CALD1: variants seen among roughly 807,000 people sequenced by gnomAD.
The protein encoded by CALD1 is caldesmon.
A neutral mutation model predicts 99.9 loss-of-function variants in CALD1; 33 were observed. That is an observed-to-expected ratio of 0.33 (90% CI 0.25 to 0.44). CALD1 has a LOEUF of 0.44. CALD1 is among the 20% of genes least tolerant of loss of function. The pLI is 1.00. For synonymous variants in CALD1, 310 were observed against 325.0 expected, an observed-to-expected ratio of 0.95 and a Z score of 0.50; for missense variants, 861 against 962.1, an observed-to-expected ratio of 0.89 and a Z score of 1.39.
intron 9 of CALD1, among the ~76,000 whole-genome samples, chr7:134,957,225 A>G (rs1807844358): frequency 6.6e-6 from 1 of 152,200 alleles, no homozygotes; most frequent in Non-Finnish European, 1.5e-5. Context: ...ACCCTTGTCA[A>G]GTTAGGAAAT....
chr7:134,929,463 A>G (rs1805321247), intron 4 of CALD1, among the ~76,000 whole-genome samples: 1 of 150,666 alleles, frequency 6.6e-6, no homozygotes, highest in African/African-American at 2.4e-5. Flanking sequence ...CTCATAGCTT[A>G]GCTCCCACTT....
chr7:134,860,115 AT>A (rs1195445172), intron 2 of CALD1, among the ~76,000 whole-genome samples: 1 of 152,130 alleles, frequency 6.6e-6, no homozygotes, highest in African/African-American at 2.4e-5. Context: ...CCTCAGGTTG[AT>A]TGTATTCACT....
At chr7:134,925,067 T>C (rs1804897793) in intron 3 of CALD1, among the ~76,000 whole-genome samples, 1 of 152,154 alleles carries the variant, frequency 6.6e-6, no homozygotes, top group Admixed American at 6.5e-5. Context: ...GGCAGTTCTT[T>C]ATAGCAGTGT....
chr7:134,711,720 GTGTGTGTCTC>G, the CALD1 span, among the ~76,000 whole-genome samples: 39 of 98,752 alleles, frequency 3.9e-4, no homozygotes, highest in Admixed American at 1.3e-3. Context: ...GTGTGTGTGT[GTGTGTGTCTC>G]TCTCTCTGTC....
At chr7:134,856,259 C>T (rs1011516585) in intron 2 of CALD1, among the ~76,000 whole-genome samples, 20 of 152,172 alleles carry the variant, frequency 1.3e-4, no homozygotes, top group African/African-American at 3.1e-4. Flanking sequence ...AAAGTGGCAC[C>T]GGAAGTTTCT....
intron 3 of CALD1, 22 bp from the exon 4 acceptor site, chr7:134,928,732 G>A (rs201231791): frequency 6.2e-7 from 1 of 1,611,022 alleles, no homozygotes; most frequent in Non-Finnish European, 8.5e-7. Context: ...ACGCTCAAGA[G>A]GTTGTCTTTG....
chr7:134,955,759 C>T (rs79452164), intron 9 of CALD1, among the ~76,000 whole-genome samples: 1 of 152,140 alleles, frequency 6.6e-6, no homozygotes, highest in Non-Finnish European at 1.5e-5. Flanking sequence ...TCAACACATG[C>T]ATTTTAGGGG....
At chr7:134,812,581 G>GT (rs35460848) in intron 1 of CALD1, among the ~76,000 whole-genome samples, 72 of 128,984 alleles carry the variant, frequency 5.6e-4, no homozygotes, top group Admixed American at 1.5e-3. Flanking sequence ...GGAAAGAATA[G>GT]TTAAAAAAAA....
intron 1 of CALD1, among the ~76,000 whole-genome samples, chr7:134,834,631 C>A (rs1316866062): frequency 6.6e-6 from 1 of 152,188 alleles, no homozygotes; most frequent in Non-Finnish European, 1.5e-5. Context: ...CTATGAAAAT[C>A]ATTTAAGAAT....
upstream of CALD1, among the ~76,000 whole-genome samples, chr7:134,740,049 T>C (rs766308658): frequency 2.6e-5 from 4 of 152,116 alleles, no homozygotes; most frequent in African/African-American, 4.8e-5. Flanking sequence ...ATAGACCCAG[T>C]GTAACTTCAT....
intron 1 of CALD1, among the ~76,000 whole-genome samples, chr7:134,759,559 T>C (rs1045532753): frequency 6.6e-6 from 1 of 152,116 alleles, no homozygotes. Flanking sequence ...TTAATCTGGC[T>C]AGAGTGGAGA....
In CALD1 at chr7:134,765,692, G is replaced by A. The variant is rs183412532; in HGVS notation, c.-130+21329G>A. ...CAGTATTGGAGGTGGGGCCTGGTAG[G>A]AGGTGATCGGATCATGGGGATGGAT... is the stretch of plus-strand genomic sequence containing the variant. On this transcript the variant is annotated intron_variant, in intron 1 of 13. Coordinates refer to the CALD1 transcript ENST00000417172. Among the ~76,000 whole-genome samples the A allele has an allele frequency of 3.3e-5, 5 of 152,310 alleles. No homozygotes were observed. In the East Asian group the frequency reaches 9.6e-4, roughly 29 times the overall value.
chr7:134,782,667 C>T (rs995999879), intron 1 of CALD1, among the ~76,000 whole-genome samples: 17 of 152,286 alleles, frequency 1.1e-4, no homozygotes, highest in African/African-American at 3.4e-4. Flanking sequence ...GTGGTTAAGA[C>T]GTCCAAATGA....
At chr7:134,797,897 GT>G (rs1244060979) in intron 1 of CALD1, among the ~76,000 whole-genome samples, 6 of 152,176 alleles carry the variant, frequency 3.9e-5, no homozygotes, top group African/African-American at 7.2e-5. Context: ...TGGCCAAATT[GT>G]TTATTTGTAT....
chr7:134,893,440 C>T (rs113502319), intron 3 of CALD1, among the ~76,000 whole-genome samples: 4 of 152,286 alleles, frequency 2.6e-5, no homozygotes, highest in African/African-American at 9.6e-5. Flanking sequence ...CATAATTTTA[C>T]CAGATTCTGC....
At chr7:134,955,343 C>T (rs1185991461) in intron 9 of CALD1, among the ~76,000 whole-genome samples, 1 of 152,116 alleles carries the variant, frequency 6.6e-6, no homozygotes, top group Non-Finnish European at 1.5e-5. Flanking sequence ...AGCCGAGATT[C>T]CACCACTGCA....
rs1799126274 is a variant in CALD1, at chr7:134,829,222, T to C, written c.-129-14662T>C. ...CAAACATAAATATCATTGCAAATTG[T>C]GATTGTACATGAAGACAAAGAGCAG... On this transcript the variant is annotated intron_variant, in intron 1 of 14. Coordinates refer to ENST00000361675, the MANE Select transcript of CALD1 (RefSeq NM_033138.4). 2.0e-5 allele frequency among the ~76,000 whole-genome samples: 3 copies of C among 152,204 alleles called. No homozygotes were observed. The South Asian group carries it at 6.2e-4, about 32-fold the overall frequency.
At chr7:134,926,707 ATTAGG>A (rs1035166123) in intron 3 of CALD1, among the ~76,000 whole-genome samples, 1 of 152,234 alleles carries the variant, frequency 6.6e-6, no homozygotes, top group Non-Finnish European at 1.5e-5. Flanking sequence ...CATCAGTTAT[ATTAGG>A]TTAATATATG....
rs187285548 is a variant in CALD1 at position 134,950,489 on chromosome 7, T to A, written c.1910T>A (p.Phe637Tyr). The A allele has an allele frequency of 1.1e-5, 18 of 1,614,118 alleles. No homozygotes were observed. In the East Asian group the frequency reaches 3.8e-4, roughly 34 times the overall value. ...GATGACAAGAAACCATTCAAGTGTT[T>A]CACTCCTAAAGGTTCATCTCTCAAG... ...LSDDKKPFKC[F>Y]TPKGSSLKIE... Residue 637 changes from phenylalanine (F) to tyrosine (Y), a missense_variant, in exon 9 of 15, where the codon TTC becomes TAC. Physicochemically the swap from Phe to Tyr is conservative, Grantham distance 22 (BLOSUM62 3). This residue lies in a region of CALD1 where 190 missense variants were observed against 249.0 expected (regional missense o/e 0.76). Coordinates refer to ENST00000361675, the MANE Select transcript of CALD1 (RefSeq NM_033138.4).
Sources: allele counts gnomAD v4.1 joint callset (sites outside exome capture counted in the v4.1 genomes callset), GRCh38; gene constraint gnomAD v4.1.1; regional missense constraint gnomAD v4.1.1; transcripts MANE v1.5; gene names NCBI Gene and HGNC (gene_info 2026-07-23, HGNC 2026-07-21).